Variants in EYS observed in about 807,000 individuals in gnomAD.
EYS encodes the protein EGF-like photoreceptor maintenance factor, also known as protein eyes shut homolog.
In EYS, 250 loss-of-function variants were observed where a neutral mutation model predicts 282.1. The observed-to-expected ratio is 0.89, with a 90% CI of 0.80 to 0.98. The LOEUF (loss-of-function observed/expected upper bound fraction) is 0.98, where lower values mean the gene tolerates loss of function less well. EYS is among the 50% of genes least tolerant of loss of function. The pLI, the probability that EYS is intolerant of heterozygous loss-of-function variation, is 0.00. For synonymous variants in EYS, 1,355 were observed against 1,282.9 expected (o/e 1.06, Z -1.20); for missense variants, 4,016 against 3,709.0 (o/e 1.08, Z -2.15).
intron 22 of EYS, among the ~76,000 whole-genome samples, chr6:64,757,737 T>TG (rs1562174570): frequency 1.7e-5 from 2 of 116,246 alleles, no homozygotes; most frequent in Non-Finnish European, 3.9e-5. Flanking sequence ...TTTTTTTCTT[T>TG]TTTTCTTTGT....
intron 4 of EYS, among the ~76,000 whole-genome samples, chr6:65,492,180 ATTAT>A (rs1299361235): frequency 1.6e-4 from 25 of 152,192 alleles, no homozygotes; most frequent in African/African-American, 5.8e-4. Flanking sequence ...AATTGAAGTA[ATTAT>A]TTATAATTAA....
chr6:63,841,761 C>G (rs544850998), intron 36 of EYS, among the ~76,000 whole-genome samples: 125 of 152,182 alleles, frequency 8.2e-4, no homozygotes, highest in African/African-American at 2.8e-3. Context: ...CCTCCCTTTG[C>G]CCCCCGCCAC....
At chr6:63,843,359 T>G (rs1468791027) in intron 36 of EYS, among the ~76,000 whole-genome samples, 1 of 152,202 alleles carries the variant, frequency 6.6e-6, no homozygotes, top group Non-Finnish European at 1.5e-5. Context: ...TTTTATTCTC[T>G]TTGTAGCGAT....
At chr6:65,527,970 T>C (rs1250785970) in intron 2 of EYS, among the ~76,000 whole-genome samples, 3 of 152,174 alleles carry the variant, frequency 2.0e-5, no homozygotes, top group Admixed American at 6.5e-5. Flanking sequence ...GGTTGTGCCA[T>C]GTGAAATAGC....
chr6:63,825,904 ATAGT>A (rs1771447048), intron 36 of EYS, among the ~76,000 whole-genome samples: 1 of 152,190 alleles, frequency 6.6e-6, no homozygotes, highest in African/African-American at 2.4e-5. Flanking sequence ...AATCCCTGAG[ATAGT>A]TGAAAAAGAA....
intron 41 of EYS, among the ~76,000 whole-genome samples, chr6:63,752,428 C>T (rs138180188): frequency 5.3e-4 from 80 of 151,852 alleles, no homozygotes; most frequent in African/African-American, 1.7e-3. Context: ...TAAGAAATGG[C>T]CATCTATATA....
intron 31 of EYS, among the ~76,000 whole-genome samples, chr6:64,091,022 A>G (rs1446039703): frequency 6.6e-6 from 1 of 152,164 alleles, no homozygotes; most frequent in Admixed American, 6.6e-5. Context: ...GGCATCGAAG[A>G]CTGTTCTTAA....
chr6:65,420,572 C>T (rs1426947284), intron 5 of EYS, among the ~76,000 whole-genome samples: 4 of 151,816 alleles, frequency 2.6e-5, no homozygotes, highest in Non-Finnish European at 5.9e-5. Context: ...ACATTTTGAT[C>T]TCCTCTAATG....
At chr6:64,512,406 A>C (rs1448196568) in intron 26 of EYS, among the ~76,000 whole-genome samples, 1 of 151,996 alleles carries the variant, frequency 6.6e-6, no homozygotes, top group East Asian at 1.9e-4. Context: ...GGTTAAGCAA[A>C]ATTAGGCTGA....
chr6:65,182,322 C>T (rs1396473690), intron 12 of EYS, among the ~76,000 whole-genome samples: 1 of 151,046 alleles, frequency 6.6e-6, no homozygotes, highest in East Asian at 2.0e-4. Flanking sequence ...ACACAATAGG[C>T]TATTAATGAA....
At chr6:64,361,135 T>G (rs1174975275) in intron 29 of EYS, among the ~76,000 whole-genome samples, 2 of 151,732 alleles carry the variant, frequency 1.3e-5, no homozygotes, top group Non-Finnish European at 2.9e-5. Context: ...ATTTTGATTA[T>G]CACATCACTG....
intron 26 of EYS, among the ~76,000 whole-genome samples, chr6:64,463,413 A>C (rs577457153): frequency 6.6e-6 from 1 of 152,340 alleles, no homozygotes; most frequent in Non-Finnish European, 1.5e-5. Flanking sequence ...ATTATGATAT[A>C]TTGAACTACT....
chr6:64,254,781 G>C (rs1190382516), intron 30 of EYS, among the ~76,000 whole-genome samples: 1 of 152,064 alleles, frequency 6.6e-6, no homozygotes, highest in African/African-American at 2.4e-5. Context: ...ATGTGCATCT[G>C]TTTCCTGTTT....
Position 65,331,203 on chromosome 6 carries a change from T to C in EYS, c.1766+3777A>G, listed in dbSNP as rs150830647. On this transcript the variant is annotated intron_variant, in intron 11 of 42. Coordinates refer to ENST00000503581, the MANE Select transcript of EYS (RefSeq NM_001142800.2). ...AAAATAACTTGCAATATTTTTACTA[T>C]TGCATTAAATGTGTGAATTAATTTG... is the stretch of plus-strand genomic sequence containing the variant. 172 of 761,300 alleles carry C rather than the reference T, an allele frequency of 2.3e-4. 1 individual carries two copies. In the African/African-American group the frequency reaches 2.8e-3, roughly 12 times the overall value. The allele number at this position is 761,300 out of a possible 1,614,324, so 47.2% of individuals were successfully genotyped here. A position where few individuals can be genotyped will look rare whatever the true frequency, so the allele number is the denominator to read the frequency against.
intron 8 of EYS, among the ~76,000 whole-genome samples, chr6:65,358,808 A>G (rs1764592294): frequency 6.6e-6 from 1 of 152,058 alleles, no homozygotes; most frequent in South Asian, 2.1e-4. Flanking sequence ...AATTACATTA[A>G]TTGCAGTAAA....
At chr6:65,105,331 AT>A (rs1277823439) in intron 12 of EYS, among the ~76,000 whole-genome samples, 1 of 151,742 alleles carries the variant, frequency 6.6e-6, no homozygotes, top group Non-Finnish European at 1.5e-5. Flanking sequence ...TCAAAATTAT[AT>A]TGAGGAATAA....
chr6:64,646,674 C>T (rs1029282612), intron 22 of EYS, among the ~76,000 whole-genome samples: 2 of 151,896 alleles, frequency 1.3e-5, no homozygotes, highest in South Asian at 2.1e-4. Flanking sequence ...GGCGTGGTGG[C>T]GGGCGCCTGA....
chr6:65,380,705 A>G (rs1324231133), intron 8 of EYS, among the ~76,000 whole-genome samples: 9 of 152,012 alleles, frequency 5.9e-5, no homozygotes, highest in Non-Finnish European at 1.3e-4. Context: ...TGGGAGAAAA[A>G]TTTTGCAAAC....
chr6:63,726,707 T>C (rs1165309482), intron 41 of EYS, 27 bp from the exon 42 acceptor site: 1 of 1,534,084 alleles, frequency 6.5e-7, no homozygotes, highest in Admixed American at 2.0e-5. Flanking sequence ...AAGAGAACTC[T>C]GGGAGTTATC....
Sources: allele counts gnomAD v4.1 joint callset (sites outside exome capture counted in the v4.1 genomes callset), GRCh38; gene constraint gnomAD v4.1.1; transcripts MANE v1.5; gene names NCBI Gene and HGNC (gene_info 2026-07-23, HGNC 2026-07-21).